AGBL4: variants seen among roughly 807,000 people sequenced by gnomAD.
The protein encoded by AGBL4 is cytosolic carboxypeptidase 6.
AGBL4 carries 58 observed loss-of-function variants against 66.4 expected under a neutral mutation model. That is an observed-to-expected ratio of 0.87 (90% CI 0.71 to 1.09). The LOEUF is 1.09. AGBL4 is among the 50% of genes least tolerant of loss of function. The pLI is 0.00. For missense variants in AGBL4, 579 were observed against 631.0 expected (o/e 0.92, Z 0.88); for synonymous variants, 234 against 222.9 (o/e 1.05, Z -0.44).
At chr1:48,588,832 G>A (rs1002949347) in intron 10 of AGBL4, among the ~76,000 whole-genome samples, 1 of 150,804 alleles carries the variant, frequency 6.6e-6, no homozygotes, top group African/African-American at 2.4e-5. Flanking sequence ...GAAGAGAAGA[G>A]AAGAGAAGAG....
intron 6 of AGBL4, among the ~76,000 whole-genome samples, chr1:48,685,715 C>T (rs991057121): frequency 6.6e-6 from 1 of 152,162 alleles, no homozygotes; most frequent in Admixed American, 6.5e-5. Flanking sequence ...ATATGGGAAA[C>T]TCTTAGTAAA....
intron 4 of AGBL4, among the ~76,000 whole-genome samples, chr1:49,137,832 A>G (rs1378665176): frequency 1.3e-5 from 2 of 152,164 alleles, no homozygotes; most frequent in Admixed American, 6.6e-5. Flanking sequence ...CTACAAAACC[A>G]TTTATGCTAC....
At chr1:48,621,067 G>A (rs535491114) in intron 9 of AGBL4, among the ~76,000 whole-genome samples, 36 of 152,262 alleles carry the variant, frequency 2.4e-4, no homozygotes, top group Middle Eastern at 6.8e-3. Context: ...TTAGCTGACC[G>A]AGAGGGATCA....
intron 6 of AGBL4, among the ~76,000 whole-genome samples, chr1:48,666,613 C>T (rs144776637): frequency 6.6e-5 from 10 of 152,306 alleles, no homozygotes; most frequent in African/African-American, 2.2e-4. Context: ...TTATTGAATA[C>T]CTATTAGATG....
At chr1:49,942,043 A>G (rs1220210018) in intron 1 of AGBL4, among the ~76,000 whole-genome samples, 1 of 152,140 alleles carries the variant, frequency 6.6e-6, no homozygotes, top group Non-Finnish European at 1.5e-5. Flanking sequence ...ACATATGAAA[A>G]TCAGTATCTT....
chr1:49,112,804 T>G (rs1645439236), intron 4 of AGBL4, among the ~76,000 whole-genome samples: 1 of 152,192 alleles, frequency 6.6e-6, no homozygotes, highest in Admixed American at 6.5e-5. Flanking sequence ...TCTAGTTATC[T>G]TGACATTTCC....
At chr1:49,371,250 T>C (rs1043408824) in intron 3 of AGBL4, among the ~76,000 whole-genome samples, 6 of 97,268 alleles carry the variant, frequency 6.2e-5, no homozygotes, top group Non-Finnish European at 2.1e-5. Context: ...GATAGATAGA[T>C]ACATACATAC....
intron 3 of AGBL4, among the ~76,000 whole-genome samples, chr1:49,545,215 T>A (rs1402452826): frequency 6.6e-6 from 1 of 152,178 alleles, no homozygotes; most frequent in East Asian, 1.9e-4. Flanking sequence ...TATTGCTTTT[T>A]CAGCTTTCAT....
chr1:49,622,762 GA>G (rs1208532052), intron 3 of AGBL4, among the ~76,000 whole-genome samples: 2 of 150,332 alleles, frequency 1.3e-5, no homozygotes, highest in Non-Finnish European at 2.9e-5. Context: ...AAAACGCTCA[GA>G]AAATGCGAGC....
At chr1:49,166,075 C>A (rs1646628643) in intron 4 of AGBL4, among the ~76,000 whole-genome samples, 5 of 152,082 alleles carry the variant, frequency 3.3e-5, no homozygotes, top group African/African-American at 1.2e-4. Flanking sequence ...TTAAAAGTGT[C>A]AGAGCAATTT....
intron 9 of AGBL4, among the ~76,000 whole-genome samples, chr1:48,632,277 T>G (rs1372699169): frequency 6.6e-6 from 1 of 152,224 alleles, no homozygotes; most frequent in East Asian, 1.9e-4. Context: ...GATGTACTTA[T>G]TAAGATCTAA....
At chr1:48,526,942 G>A in the AGBL4 span, among the ~76,000 whole-genome samples, 3 of 152,090 alleles carry the variant, frequency 2.0e-5, no homozygotes, top group Admixed American at 6.5e-5. Context: ...ATCCAGGACC[G>A]CTGACTCTAA....
intron 6 of AGBL4, among the ~76,000 whole-genome samples, chr1:48,757,298 C>T (rs566214893): frequency 6.6e-6 from 1 of 152,308 alleles, no homozygotes; most frequent in South Asian, 2.1e-4. Flanking sequence ...TCCCCATCCC[C>T]CATCACCACT....
intron 3 of AGBL4, among the ~76,000 whole-genome samples, chr1:49,344,597 A>T (rs772578880): frequency 6.6e-6 from 1 of 152,174 alleles, no homozygotes; most frequent in Non-Finnish European, 1.5e-5. Flanking sequence ...GAACATTGGA[A>T]TAAAACCACA....
intron 1 of AGBL4, among the ~76,000 whole-genome samples, chr1:49,871,594 T>C (rs552870851): frequency 2.6e-5 from 4 of 152,222 alleles, no homozygotes; most frequent in South Asian, 2.1e-4. Flanking sequence ...AAGTCCAAAA[T>C]AGATATATTC....
chr1:49,456,582 T>A lies in AGBL4; in HGVS notation c.283-210718A>T, dbSNP rs370716146. Among the ~76,000 whole-genome samples the A allele has an allele frequency of 2.4e-4, 37 of 151,838 alleles. 1 individual carries two copies. Among genetic ancestry groups the A allele is most frequent in the African/African-American group, 8.9e-4 (37 of 41,504 alleles). On this transcript the variant is annotated intron_variant, in intron 3 of 13. Transcript: ENST00000371839. ...AGGCAATTTATTTATTTTAAATTTA[T>A]TTTTTATTTCAACAGGTTTCTGGTA... is the stretch of plus-strand genomic sequence containing the variant.
chr1:48,696,272 A>T (rs960850889), intron 6 of AGBL4, among the ~76,000 whole-genome samples: 2 of 152,152 alleles, frequency 1.3e-5, no homozygotes, highest in African/African-American at 2.4e-5. Context: ...CAATCAGGTG[A>T]TCGCACAGAT....
chr1:49,206,969 T>C (rs1648198935), intron 4 of AGBL4, among the ~76,000 whole-genome samples: 1 of 150,752 alleles, frequency 6.6e-6, no homozygotes, highest in African/African-American at 2.4e-5. Context: ...ACAAACCTAT[T>C]TGATGGATTG....
intron 1 of AGBL4, among the ~76,000 whole-genome samples, chr1:49,993,601 G>GA (rs1415071550): frequency 6.6e-6 from 1 of 152,152 alleles, no homozygotes; most frequent in African/African-American, 2.4e-5. Flanking sequence ...CCCTATGGCA[G>GA]AATTACACAC....
Sources: allele counts gnomAD v4.1 joint callset (sites outside exome capture counted in the v4.1 genomes callset), GRCh38; gene constraint gnomAD v4.1.1; transcripts MANE v1.5; gene names NCBI Gene and HGNC (gene_info 2026-07-23, HGNC 2026-07-21).